Variants in GPATCH8 observed in about 807,000 individuals in gnomAD.
GPATCH8 encodes the protein G patch domain-containing protein 8.
GPATCH8 carries 18 observed loss-of-function variants against 118.3 expected under a neutral mutation model. That is an observed-to-expected ratio of 0.15 (90% CI 0.11 to 0.23). The LOEUF (loss-of-function observed/expected upper bound fraction) is 0.23, where lower values mean the gene tolerates loss of function less well. Among genes scored for constraint, GPATCH8 ranks in the 10% least tolerant of loss-of-function variants. The pLI is 1.00. For missense variants in GPATCH8, 1,631 were observed against 1,873.8 expected, an observed-to-expected ratio of 0.87 and a Z score of 2.39; for synonymous variants, 659 against 684.7, an observed-to-expected ratio of 0.96 and a Z score of 0.59.
chr17:44,482,900 T>C (rs1393438153), intron 1 of GPATCH8, among the ~76,000 whole-genome samples: 2 of 150,464 alleles, frequency 1.3e-5, no homozygotes, highest in Non-Finnish European at 3.0e-5. Context: ...CTCACGCCTG[T>C]AATCCCAGCA....
intron 6 of GPATCH8, among the ~76,000 whole-genome samples, chr17:44,414,131 A>ATATATATATGTGTATATATATATGTG (rs2049578369): frequency 3.8e-5 from 1 of 26,614 alleles, no homozygotes; most frequent in African/African-American, 1.4e-4. Flanking sequence ...ATATATGTGT[A>ATATATATATGTGTATATATATATGTG]TATATATATA....
chr17:44,419,553 C>T (rs564339291), intron 6 of GPATCH8, among the ~76,000 whole-genome samples: 12 of 152,266 alleles, frequency 7.9e-5, no homozygotes, highest in African/African-American at 2.9e-4. Context: ...GTGGCATGAT[C>T]ACAGCTTATT....
intron 2 of GPATCH8, chr17:44,466,085 A>G (rs546115084): frequency 9.2e-5 from 14 of 152,314 alleles, no homozygotes; most frequent in African/African-American, 3.1e-4. Context: ...TGGTGCAATT[A>G]TAGCTAACTG....
intron 6 of GPATCH8, among the ~76,000 whole-genome samples, chr17:44,415,158 T>C (rs139092486): frequency 6.6e-6 from 1 of 152,348 alleles, no homozygotes; most frequent in East Asian, 1.9e-4. Context: ...ATCTTTTCAC[T>C]ATCTCATCAG....
At chr17:44,405,389 G>A (rs2143694354) in intron 7 of GPATCH8, among the ~76,000 whole-genome samples, 1 of 151,404 alleles carries the variant, frequency 6.6e-6, no homozygotes, top group African/African-American at 2.4e-5. Flanking sequence ...TGTATTTTTA[G>A]TATAGACGGG....
chr17:44,421,854 G>C (rs936913193), intron 6 of GPATCH8, among the ~76,000 whole-genome samples: 1 of 151,364 alleles, frequency 6.6e-6, no homozygotes, highest in Non-Finnish European at 1.5e-5. Flanking sequence ...GAACCCCCAA[G>C]CAGCTGGGAT....
chr17:44,461,667 T>G (rs2051553608), intron 3 of GPATCH8, among the ~76,000 whole-genome samples: 1 of 152,004 alleles, frequency 6.6e-6, no homozygotes, highest in Non-Finnish European at 1.5e-5. Context: ...GCTCAAAGTT[T>G]AAAGGGAACC....
At chr17:44,498,610 C>G (rs1422106536) in intron 1 of GPATCH8, among the ~76,000 whole-genome samples, 1 of 152,196 alleles carries the variant, frequency 6.6e-6, no homozygotes, top group African/African-American at 2.4e-5. Flanking sequence ...GTCAATTCAG[C>G]ATCAGTATTT....
intron 5 of GPATCH8, among the ~76,000 whole-genome samples, chr17:44,428,681 T>C (rs2050178944): frequency 6.6e-6 from 1 of 151,964 alleles, no homozygotes; most frequent in African/African-American, 2.4e-5. Flanking sequence ...CATGCACCTG[T>C]AGCCCCAGAT....
At chr17:44,403,018 A>G (rs2049086283) in intron 7 of GPATCH8, among the ~76,000 whole-genome samples, 3 of 152,074 alleles carry the variant, frequency 2.0e-5, no homozygotes, top group Admixed American at 2.0e-4. Flanking sequence ...TCCTGGCTCA[A>G]TCCTCCCACC....
intron 1 of GPATCH8, among the ~76,000 whole-genome samples, chr17:44,490,416 T>C (rs974888311): frequency 2.6e-5 from 4 of 152,162 alleles, no homozygotes; most frequent in Non-Finnish European, 5.9e-5. Context: ...ATAGGTCCTA[T>C]ATTACAGCAT....
intron 5 of GPATCH8, among the ~76,000 whole-genome samples, chr17:44,425,869 C>T (rs2050072411): frequency 6.6e-6 from 1 of 152,028 alleles, no homozygotes; most frequent in Non-Finnish European, 1.5e-5. Flanking sequence ...GGTATGAATA[C>T]AGCAGTATAG....
Position 44,397,398 on chromosome 17 carries a change from T to G in GPATCH8, c.*170A>C, listed in dbSNP as rs1437901024. ...GAAAAAGAAATCCCTGATAGTAAAC[T>G]GAAAGCAAACTTCAAATCTAAACCC... On this transcript the variant is annotated 3_prime_UTR_variant, in exon 8 of 8. Transcript: ENST00000591680. The G allele has an allele frequency of 1.4e-6, 1 of 701,676 alleles. No homozygotes were observed. Among genetic ancestry groups the G allele is most frequent in the Admixed American group, 2.0e-5 (1 of 49,934 alleles). The allele number at this position is 701,676 out of a possible 1,614,324, so 43.5% of individuals were successfully genotyped here. A position where few individuals can be genotyped will look rare whatever the true frequency, so the allele number is the denominator to read the frequency against.
In GPATCH8 at chr17:44,397,899, A is replaced by G. The variant is rs1011452420; in HGVS notation, c.4178T>C (p.Ile1393Thr). 2 of 1,611,590 alleles carry G rather than the reference A, an allele frequency of 1.2e-6. No individual in the cohort carries two copies. The highest frequency in any genetic ancestry group is 1.7e-6 in the Non-Finnish European group (2 of 1,177,934). ...TGGTTGGGGATGGGGGTGAGGGTGA[A>G]TGCCGATGGCGGCAGCAGCTGCGGC... ...HAAAAAAAIG[I>T]HPHPHPQPLA... The change falls in exon 8 of 8, where the codon ATT becomes ACT. Residue 1393 changes from isoleucine to threonine, a missense_variant. Physicochemically the swap from Ile to Thr is moderately conservative, Grantham distance 89. Transcript: ENST00000591680.
At chr17:44,411,005 C>T (rs2049408925) in intron 6 of GPATCH8, among the ~76,000 whole-genome samples, 1 of 152,190 alleles carries the variant, frequency 6.6e-6, no homozygotes, top group Admixed American at 6.5e-5. Flanking sequence ...TATTGCTCTA[C>T]TATCACTGAA....
chr17:44,498,751 C>T (rs1477639121), intron 1 of GPATCH8, among the ~76,000 whole-genome samples: 3 of 152,216 alleles, frequency 2.0e-5, no homozygotes, highest in Non-Finnish European at 4.4e-5. Context: ...TGTGGCATTT[C>T]TTCCAGATTA....
At chr17:44,437,425 T>C (rs1449203502) in intron 3 of GPATCH8, among the ~76,000 whole-genome samples, 1 of 152,134 alleles carries the variant, frequency 6.6e-6, no homozygotes, top group Admixed American at 6.5e-5. Flanking sequence ...CTTTTTATTG[T>C]GATGTAAGCC....
chr17:44,483,278 T>A (rs1219240870), intron 1 of GPATCH8, among the ~76,000 whole-genome samples: 1 of 134,692 alleles, frequency 7.4e-6, no homozygotes, highest in African/African-American at 2.8e-5. Flanking sequence ...TGAGATGGAG[T>A]CTCACTCTGT....
chr17:44,406,059 AAAAGAAAG>A lies in GPATCH8; in HGVS notation c.493-16_493-9del. ...CTTCAGATCTTTTAATCTCTGGGTT[AAAAGAAAG>A]AAAGATACAGAGGGTGGATGATTTA... On this transcript the variant is annotated splice_polypyrimidine_tract_variant and intron_variant, in intron 6 of 7. Transcript: ENST00000591680. 6.3e-7 allele frequency: 1 copy of A among 1,595,902 alleles called. No homozygotes were observed. The highest frequency in any genetic ancestry group is 8.6e-7 in the Non-Finnish European group (1 of 1,163,596).
Sources: gnomAD v4.1 joint callset for allele counts (sites outside exome capture counted in the v4.1 genomes callset) on GRCh38, gnomAD v4.1.1 for gene constraint, MANE v1.5 for transcripts, NCBI Gene and HGNC (gene_info 2026-07-23, HGNC 2026-07-21) for gene names.